The following PKIB variants were observed in gnomAD, a reference collection of about 807,000 sequenced individuals.
PKIB encodes cAMP-dependent protein kinase inhibitor beta.
Under a neutral mutation model 4.5 loss-of-function variants are expected in PKIB, and 2 were observed. That is an observed-to-expected ratio of 0.44 (90% CI 0.18 to 1.39). PKIB has a LOEUF of 1.39. Among genes scored for constraint, PKIB ranks in the 40% most tolerant of loss-of-function variants. The probability of loss-of-function intolerance (pLI) is 0.27; values close to 1 mark genes in which losing one functional copy is unlikely to be tolerated. For missense variants in PKIB, 94 were observed against 92.6 expected, an observed-to-expected ratio of 1.02 and a Z score of -0.06; for synonymous variants, 38 against 36.0, an observed-to-expected ratio of 1.06 and a Z score of -0.20.
chr6:122,667,625 A>T (rs1777284998), intron 2 of PKIB, among the ~76,000 whole-genome samples: 1 of 152,240 alleles, frequency 6.6e-6, no homozygotes, highest in African/African-American at 2.4e-5. Flanking sequence ...GTGTTTGAGG[A>T]TTATAATATA....
At chr6:122,491,832 C>G (rs1775941611) in intron 2 of PKIB, among the ~76,000 whole-genome samples, 1 of 152,144 alleles carries the variant, frequency 6.6e-6, no homozygotes. Flanking sequence ...TTGTTTTTAT[C>G]TAGAAAACTA....
intron 3 of PKIB, among the ~76,000 whole-genome samples, chr6:122,690,705 A>G (rs931957113): frequency 1.3e-5 from 2 of 152,092 alleles, no homozygotes; most frequent in Non-Finnish European, 2.9e-5. Context: ...CCACAATTTC[A>G]GTGTTATAAT....
intron 4 of PKIB, among the ~76,000 whole-genome samples, chr6:122,720,338 T>C (rs76561679): frequency 0.021 from 3,138 of 152,224 alleles, 104 homozygotes; most frequent in African/African-American, 0.073. Context: ...AAAAGGTCAA[T>C]GATATTTGAT....
At chr6:122,634,163 A>G (rs996180720) in intron 2 of PKIB, among the ~76,000 whole-genome samples, 5 of 152,098 alleles carry the variant, frequency 3.3e-5, no homozygotes, top group African/African-American at 9.7e-5. Flanking sequence ...AACAATGAGA[A>G]CACATGGACA....
intron 2 of PKIB, among the ~76,000 whole-genome samples, chr6:122,575,326 G>A (rs189778435): frequency 6.6e-6 from 1 of 152,020 alleles, no homozygotes; most frequent in African/African-American, 2.4e-5. Context: ...GTACAACCAC[G>A]ATGGAAAACA....
intron 3 of PKIB, among the ~76,000 whole-genome samples, chr6:122,690,932 A>ATATTT (rs1278838118): frequency 1.4e-5 from 2 of 138,776 alleles, no homozygotes; most frequent in African/African-American, 5.4e-5. Context: ...ATATATATAT[A>ATATTT]TTTTTTTTTT....
chr6:122,670,498 T>TTGTTGTTGTTG (rs1554230067), intron 2 of PKIB, among the ~76,000 whole-genome samples: 1 of 151,110 alleles, frequency 6.6e-6, no homozygotes. Context: ...ATCACATGTT[T>TTGTTGTTGTTG]TTGTTGTTGT....
intron 1 of PKIB, among the ~76,000 whole-genome samples, chr6:122,475,406 A>G (rs927673430): frequency 6.6e-6 from 1 of 152,180 alleles, no homozygotes; most frequent in Non-Finnish European, 1.5e-5. Flanking sequence ...CTTATTTCCA[A>G]CACTCCAGAG....
chr6:122,655,212 G>A (rs1419243444), intron 2 of PKIB, among the ~76,000 whole-genome samples: 2 of 152,034 alleles, frequency 1.3e-5, no homozygotes, highest in Non-Finnish European at 2.9e-5. Flanking sequence ...ACATATTGAG[G>A]GCCTAAAAAT....
At chr6:122,621,952 C>T (rs543534602) in intron 1 of PKIB, among the ~76,000 whole-genome samples, 47 of 151,788 alleles carry the variant, frequency 3.1e-4, no homozygotes, top group Non-Finnish European at 5.9e-4. Flanking sequence ...TGGATTGACT[C>T]GGTGGTTGCC....
chr6:122,541,050 T>C, intron 2 of PKIB, among the ~76,000 whole-genome samples: 1 of 150,820 alleles, frequency 6.6e-6, no homozygotes, highest in South Asian at 2.1e-4. Flanking sequence ...TCTTCCTCCA[T>C]CCTTTTATTT....
chr6:122,682,378 T>G (rs983388995), intron 3 of PKIB, among the ~76,000 whole-genome samples: 1 of 152,178 alleles, frequency 6.6e-6, no homozygotes, highest in Non-Finnish European at 1.5e-5. Flanking sequence ...GCCATGTGTC[T>G]GTGTCTAAAT....
In PKIB at chr6:122,591,482, C is replaced by CT. The variant is rs530686602; in HGVS notation, c.-161+5480dup. 1.1e-4 allele frequency among the ~76,000 whole-genome samples: 17 copies of CT among 152,066 alleles called. No individual in the cohort carries two copies. The East Asian group carries it at 3.3e-3, about 29-fold the overall frequency. The stretch of plus-strand genomic sequence containing the variant: ...CAATAATCCAGTATTTTGTTTTGTC[C>CT]TTTTTAAAAAAGTTAAATTATATCT... On this transcript the variant is annotated intron_variant, in intron 3 of 6. Transcript: ENST00000392491.
chr6:122,687,673 A>C (rs907345931), intron 3 of PKIB, among the ~76,000 whole-genome samples: 4 of 151,978 alleles, frequency 2.6e-5, no homozygotes, highest in African/African-American at 9.7e-5. Context: ...TATTGTAGAG[A>C]TATTTCACTT....
chr6:122,551,063 G>T (rs569372621), intron 2 of PKIB, among the ~76,000 whole-genome samples: 113 of 152,122 alleles, frequency 7.4e-4, no homozygotes, highest in Non-Finnish European at 1.5e-3. Context: ...TCTTTTTGAG[G>T]TTATCTCTGT....
chr6:122,634,606 A>G (rs1441769252), intron 2 of PKIB, among the ~76,000 whole-genome samples: 1 of 152,190 alleles, frequency 6.6e-6, no homozygotes, highest in African/African-American at 2.4e-5. Context: ...AGTGGAAGAC[A>G]TAACATTTGG....
chr6:122,510,679 A>T (rs771494002), intron 2 of PKIB, among the ~76,000 whole-genome samples: 10 of 152,134 alleles, frequency 6.6e-5, no homozygotes, highest in Non-Finnish European at 1.2e-4. Context: ...TTTCAAGGAG[A>T]GAAAGTGGGT....
intron 3 of PKIB, among the ~76,000 whole-genome samples, chr6:122,679,398 T>C (rs937048517): frequency 1.4e-4 from 22 of 152,112 alleles, no homozygotes; most frequent in African/African-American, 5.1e-4. Flanking sequence ...GAGCTTTTCC[T>C]GATGTAAGGG....
At chr6:122,718,504 G>T (rs1011153242) in intron 4 of PKIB, among the ~76,000 whole-genome samples, 14 of 151,918 alleles carry the variant, frequency 9.2e-5, no homozygotes, top group Non-Finnish European at 1.9e-4. Context: ...GTGTTAAAAG[G>T]TGCCTTTCAT....
Sources: allele counts gnomAD v4.1 joint callset (sites outside exome capture counted in the v4.1 genomes callset), GRCh38; gene constraint gnomAD v4.1.1; transcripts MANE v1.5; gene names NCBI Gene and HGNC (gene_info 2026-07-23, HGNC 2026-07-21).